The following APBB1IP variants were observed in gnomAD, a reference collection of about 807,000 sequenced individuals.
APBB1IP encodes the protein amyloid beta precursor protein binding family B member 1 interacting protein, also known as amyloid beta A4 precursor protein-binding family B member 1-interacting protein.
In APBB1IP, 27 loss-of-function variants were observed where a neutral mutation model predicts 64.9. The ratio of observed to expected loss-of-function variants is 0.42; its 90% CI spans 0.31 to 0.57. The LOEUF (loss-of-function observed/expected upper bound fraction) is 0.57. APBB1IP is among the 20% of genes least tolerant of loss of function. The pLI is 0.20. For missense variants in APBB1IP, 812 were observed against 845.5 expected (o/e 0.96, Z 0.49); for synonymous variants, 392 against 331.0 (o/e 1.18, Z -2.00).
intron 11 of APBB1IP, among the ~76,000 whole-genome samples, chr10:26,559,056 C>T (rs1208517085): frequency 1.3e-5 from 2 of 152,118 alleles, no homozygotes; most frequent in African/African-American, 4.8e-5. Flanking sequence ...TTTTTGGAAG[C>T]AGAAAAAACC....
At chr10:26,494,812 G>C (rs1473091276) in intron 3 of APBB1IP, among the ~76,000 whole-genome samples, 3 of 151,998 alleles carry the variant, frequency 2.0e-5, no homozygotes, top group Admixed American at 6.6e-5. Context: ...GCAACAGAGT[G>C]AGACTCCATC....
At chr10:26,462,817 G>A (rs1189737678) in intron 2 of APBB1IP, among the ~76,000 whole-genome samples, 1 of 152,080 alleles carries the variant, frequency 6.6e-6, no homozygotes, top group Non-Finnish European at 1.5e-5. Flanking sequence ...TTCCTCTGGG[G>A]TCAATATCTT....
chr10:26,549,686 T>C (rs1836807111), intron 11 of APBB1IP, among the ~76,000 whole-genome samples: 1 of 152,052 alleles, frequency 6.6e-6, no homozygotes, highest in African/African-American at 2.4e-5. Flanking sequence ...TTCATTTTAT[T>C]TCTTTCAGTC....
rs1313250500 is a variant in APBB1IP at position 26,567,525 on chromosome 10, C to T, written c.*37C>T. 6.6e-7 allele frequency: 1 copy of T among 1,524,066 alleles called. No homozygotes were observed. The highest frequency in any genetic ancestry group is 8.9e-7 in the Non-Finnish European group (1 of 1,121,130). The allele number at this position is 1,524,066 out of a possible 1,614,324, so 94.4% of individuals were successfully genotyped here. A position where few individuals can be genotyped will look rare whatever the true frequency, so the allele number is the denominator to read the frequency against. ...ATGAGTGTTCCAGAGGGAGAAGCAT[C>T]GCTGACCCCGAGCGCAGGTTTTGCT... On this transcript the variant is annotated 3_prime_UTR_variant, in exon 15 of 15. Transcript: ENST00000376236.
intron 11 of APBB1IP, among the ~76,000 whole-genome samples, chr10:26,543,960 G>A (rs1360091910): frequency 2.0e-5 from 3 of 152,190 alleles, no homozygotes; most frequent in African/African-American, 7.2e-5. Flanking sequence ...GTCTGTTCCT[G>A]ATATAGGAAA....
At chr10:26,560,025 T>C in intron 11 of APBB1IP, 80 bp from the exon 12 acceptor site, 1 of 1,189,242 alleles carries the variant, frequency 8.4e-7, no homozygotes, top group Non-Finnish European at 1.3e-6. Flanking sequence ...TTAGAGATTT[T>C]TTTTAAATTT....
chr10:26,459,696 T>C (rs1205934325), intron 2 of APBB1IP, among the ~76,000 whole-genome samples: 1 of 152,218 alleles, frequency 6.6e-6, no homozygotes, highest in East Asian at 1.9e-4. Flanking sequence ...TGTTTTCTAC[T>C]TAAGGAGTTT....
intron 8 of APBB1IP, among the ~76,000 whole-genome samples, chr10:26,516,261 A>G (rs1836325276): frequency 6.6e-6 from 1 of 152,080 alleles, no homozygotes; most frequent in African/African-American, 2.4e-5. Context: ...GGGCTTCAAT[A>G]TTTAAAGGGG....
Position 26,513,547 on chromosome 10 carries a change from T to C in APBB1IP, c.700T>C (p.Phe234Leu). The C allele has an allele frequency of 6.2e-7, 1 of 1,612,168 alleles. No homozygotes were observed. Among genetic ancestry groups the C allele is most frequent in the Middle Eastern group, 1.7e-4 (1 of 6,010 alleles). ...IYPELQIERF[F>L]EDHENVVEVL... is the part of the protein sequence containing the mutation. Reference sequence around the variant, plus strand: ...TTTTCTTATTTCATCAGAGAGGTTTTTTGAAGACCATGAAAATGTTGTTGA... The same window carrying C: ...TTTTCTTATTTCATCAGAGAGGTTTCTTGAAGACCATGAAAATGTTGTTGA... Residue 234 changes from phenylalanine to leucine, a missense_variant, in exon 8 of 15, where the codon TTT becomes CTT. Around this residue, in one of 3 missense-constraint regions of APBB1IP, gnomAD observed 394 missense variants for 413.1 expected, o/e 0.95. Transcript: ENST00000376236.
chr10:26,565,918 A>G (rs1588622876), intron 14 of APBB1IP, among the ~76,000 whole-genome samples: 1 of 152,196 alleles, frequency 6.6e-6, no homozygotes, highest in East Asian at 1.9e-4. Flanking sequence ...GTCAGGTTAC[A>G]ATGGTCATAT....
In APBB1IP at chr10:26,539,407, G is replaced by GAAGAA. The variant is rs1836669207; in HGVS notation, c.1045-2173_1045-2172insGAAAA. 2.5e-5 allele frequency among the ~76,000 whole-genome samples: 3 copies of GAAGAA among 122,046 alleles called. No homozygotes were observed. In the South Asian group the frequency reaches 8.3e-4, roughly 34 times the overall value. 80.1% of individuals were successfully genotyped at this position (122,046 alleles called of 152,430 possible). A position where few individuals can be genotyped will look rare whatever the true frequency, so the allele number is the denominator to read the frequency against. On this transcript the variant is annotated intron_variant, in intron 10 of 14. Transcript: ENST00000376236. The stretch of plus-strand genomic sequence containing the variant: ...AGCTGAAGTGACAATATGAGATCCT[G>GAAGAA]AAAAAAAAAAAAAGAAGGAAAGAAA...
chr10:26,545,888 T>A (rs1836759396), intron 11 of APBB1IP, among the ~76,000 whole-genome samples: 3 of 151,662 alleles, frequency 2.0e-5, no homozygotes, highest in Admixed American at 2.0e-4. Flanking sequence ...GAGGTGGAGG[T>A]TGCAGTGAGC....
At chr10:26,531,625 C>T (rs1221173965) in intron 8 of APBB1IP, among the ~76,000 whole-genome samples, 3 of 151,860 alleles carry the variant, frequency 2.0e-5, no homozygotes, top group African/African-American at 4.8e-5. Flanking sequence ...CGAGATGGCG[C>T]CACTGGACTC....
At chr10:26,497,713 T>TCCTC (rs1367135121) in intron 4 of APBB1IP, among the ~76,000 whole-genome samples, 5 of 146,586 alleles carry the variant, frequency 3.4e-5, no homozygotes, top group African/African-American at 1.3e-4. Flanking sequence ...TTTATTTCTG[T>TCCTC]CCTCTGGATT....
chr10:26,509,363 G>A (rs1836224197), intron 6 of APBB1IP, among the ~76,000 whole-genome samples: 1 of 152,296 alleles, frequency 6.6e-6, no homozygotes, highest in South Asian at 2.1e-4. Flanking sequence ...GAGGAAGAAA[G>A]CATTTTGACT....
At chr10:26,541,367 T>A (rs1403508253) in intron 10 of APBB1IP, among the ~76,000 whole-genome samples, 1 of 152,204 alleles carries the variant, frequency 6.6e-6, no homozygotes. Flanking sequence ...TAGATCTTAC[T>A]AAATTGTCCC....
intron 8 of APBB1IP, among the ~76,000 whole-genome samples, chr10:26,519,702 A>G (rs1836380276): frequency 6.6e-6 from 1 of 152,250 alleles, no homozygotes. Context: ...TATGTTCTTA[A>G]AAGCCAACTT....
intron 8 of APBB1IP, among the ~76,000 whole-genome samples, chr10:26,530,188 A>G (rs950806220): frequency 1.3e-5 from 2 of 151,484 alleles, no homozygotes; most frequent in Non-Finnish European, 2.9e-5. Flanking sequence ...TTGCTGTGCT[A>G]GATTCTCCCC....
chr10:26,523,468 G>A (rs1160199787), intron 8 of APBB1IP, among the ~76,000 whole-genome samples: 2 of 152,176 alleles, frequency 1.3e-5, no homozygotes, highest in African/African-American at 4.8e-5. Context: ...TTACCCTGGG[G>A]CAGTAAGATT....
Sources: allele counts gnomAD v4.1 joint callset (sites outside exome capture counted in the v4.1 genomes callset), GRCh38; gene constraint gnomAD v4.1.1; regional missense constraint gnomAD v4.1.1; transcripts MANE v1.5; gene names NCBI Gene and HGNC (gene_info 2026-07-23, HGNC 2026-07-21).